The following COPB1 variants were observed in gnomAD, a reference collection of about 807,000 sequenced individuals.
COPB1 encodes coat protein complex I subunit beta 1, also known as coatomer subunit beta.
In COPB1, 21 loss-of-function variants were observed where a neutral mutation model predicts 108.7. The ratio of observed to expected loss-of-function variants is 0.19; its 90% CI spans 0.14 to 0.28. COPB1 has a LOEUF of 0.28. COPB1 is among the 10% of genes least tolerant of loss of function. The probability of loss-of-function intolerance (pLI) is 1.00; values close to 1 mark genes in which losing one functional copy is unlikely to be tolerated. For synonymous variants in COPB1, 378 were observed against 386.8 expected, an observed-to-expected ratio of 0.98 and a Z score of 0.27; for missense variants, 919 against 1,141.3, an observed-to-expected ratio of 0.81 and a Z score of 2.81.
At chr11:14,461,432 A>T in intron 18 of COPB1, 101 bp from the exon 19 acceptor site, 1 of 1,204,688 alleles carries the variant, frequency 8.3e-7, no homozygotes, top group Non-Finnish European at 1.2e-6. Flanking sequence ...ATTAACAATA[A>T]GATTGTTTAT....
At chr11:14,487,624 G>A (rs191781932) in intron 6 of COPB1, among the ~76,000 whole-genome samples, 146 of 151,844 alleles carry the variant, frequency 9.6e-4, no homozygotes, top group Middle Eastern at 3.4e-3. Flanking sequence ...GCAGTGAGCC[G>A]CGATCGCACC....
intron 4 of COPB1, among the ~76,000 whole-genome samples, chr11:14,492,412 C>T (rs1265748940): frequency 3.9e-5 from 6 of 152,020 alleles, no homozygotes; most frequent in Non-Finnish European, 7.4e-5. Context: ...AGCGCGATCT[C>T]GGTTCATCGC....
Position 14,458,595 on chromosome 11 carries a change from C to A in COPB1, c.2739G>T (p.Lys913Asn). The change falls in exon 21 of 22, where the codon AAG becomes AAT. Residue 913 changes from lysine (K) to asparagine (N), a missense_variant. Lys to Asn is a moderately conservative substitution (Grantham distance 94, BLOSUM62 0). This residue lies in a region of COPB1 where 705 missense variants were observed against 817.8 expected (regional missense o/e 0.86). Coordinates refer to ENST00000439561, the MANE Select transcript of COPB1 (RefSeq NM_001144061.2). ...EDALANVSIE[K>N]PIHQGPDAAV... is the part of the protein sequence containing the mutation. ...CAGCATCTGGTCCCTGGTGAATTGG[C>A]TTCTCAATGCTGACATTTGCAAGTG... is the stretch of plus-strand genomic sequence containing the variant. The A allele has an allele frequency of 6.2e-7, 1 of 1,613,814 alleles. No individual in the cohort carries two copies. Among genetic ancestry groups the A allele is most frequent in the South Asian group, 1.1e-5 (1 of 91,048 alleles).
At chr11:14,469,209 C>G in intron 15 of COPB1, 127 bp downstream of exon 15, 5 of 773,698 alleles carry the variant, frequency 6.5e-6, no homozygotes, top group Admixed American at 2.0e-5. Context: ...GTAGCCCACA[C>G]TGGTCTCAAA....
intron 6 of COPB1, among the ~76,000 whole-genome samples, chr11:14,487,465 A>G (rs1850799500): frequency 6.6e-6 from 1 of 152,150 alleles, no homozygotes; most frequent in African/African-American, 2.4e-5. Flanking sequence ...TCACGAGGTC[A>G]GGAGTTTGGG....
In COPB1 at chr11:14,458,709, T is replaced by C. The variant is rs764787050; in HGVS notation, c.2647-22A>G. ...GGGCCTGGAAAAAATTTGTGATAAA[T>C]TCATTACTTTACCAGATACCTACAT... On this transcript the variant is annotated intron_variant, in intron 20 of 21. Coordinates refer to ENST00000439561, the MANE Select transcript of COPB1 (RefSeq NM_001144061.2). The C allele has an allele frequency of 4.4e-6, 7 of 1,603,834 alleles. 1 individual carries two copies. The South Asian group carries it at 7.8e-5, about 18-fold the overall frequency.
At chr11:14,476,026 T>C in intron 12 of COPB1, 81 bp from the exon 13 acceptor site, 1 of 1,277,216 alleles carries the variant, frequency 7.8e-7, no homozygotes, top group Non-Finnish European at 1.1e-6. Context: ...ATTGTTTCTC[T>C]AAAAAAGGCA....
chr11:14,475,723 C>T (rs2597194), intron 13 of COPB1, 62 bp downstream of exon 13: 935,908 of 1,381,444 alleles, frequency 0.68, 319,032 homozygotes, highest in African/African-American at 0.84. Context: ...ATTTGACTGT[C>T]TTACATACAA....
At chr11:14,458,253 C>T (rs867788373) in intron 21 of COPB1, among the ~76,000 whole-genome samples, 2 of 151,646 alleles carry the variant, frequency 1.3e-5, no homozygotes, top group Admixed American at 1.3e-4. Context: ...GCTAATTAGT[C>T]ACTAGATTTA....
At chr11:14,483,228 CCACACACACACACACA>C (rs3217599) in intron 7 of COPB1, 77 bp from the exon 8 acceptor site, 13 of 503,668 alleles carry the variant, frequency 2.6e-5, no homozygotes, top group African/African-American at 2.1e-4. Flanking sequence ...CGCGCGCACA[CCACACACACACACACA>C]CACACACACA....
At chr11:14,461,742 G>C (rs1002653549) in intron 18 of COPB1, among the ~76,000 whole-genome samples, 9 of 152,304 alleles carry the variant, frequency 5.9e-5, no homozygotes, top group African/African-American at 2.2e-4. Flanking sequence ...GTTCCCATAG[G>C]AGGTACTTAA....
At position 14,476,916 on chromosome 11, in the gene COPB1, T is replaced by C. The variant is rs1163005949; in HGVS notation, c.1455+3A>G. On this transcript the variant is annotated splice_donor_region_variant and intron_variant, in intron 12 of 21. Coordinates refer to ENST00000439561, the MANE Select transcript of COPB1 (RefSeq NM_001144061.2). ...AACTAACATTTACTAAAGTAAAACA[T>C]ACCTCTCCAAGGGACCTGCGGATCT... 6 of 1,582,454 alleles carry C rather than the reference T, an allele frequency of 3.8e-6. No individual in the cohort carries two copies. The highest frequency in any genetic ancestry group is 5.2e-6 in the Non-Finnish European group (6 of 1,151,672).
chr11:14,492,569 C>G (rs1850930102), intron 4 of COPB1, among the ~76,000 whole-genome samples: 1 of 151,838 alleles, frequency 6.6e-6, no homozygotes, highest in Non-Finnish European at 1.5e-5. Context: ...TCTCGAACTC[C>G]CGACCTCAGG....
chr11:14,478,214 C>G (rs1850572000), intron 11 of COPB1, among the ~76,000 whole-genome samples: 1 of 151,820 alleles, frequency 6.6e-6, no homozygotes. Flanking sequence ...AAATGTTTCC[C>G]AGTAAAGTGT....
chr11:14,489,386 A>C (rs1393827610), intron 5 of COPB1, among the ~76,000 whole-genome samples: 4 of 152,252 alleles, frequency 2.6e-5, no homozygotes, highest in Non-Finnish European at 5.9e-5. Context: ...TATACCCAAA[A>C]TAACAGAAAG....
intron 8 of COPB1, among the ~76,000 whole-genome samples, chr11:14,482,026 A>C (rs1850672076): frequency 6.6e-6 from 1 of 152,114 alleles, no homozygotes; most frequent in Admixed American, 6.5e-5. Context: ...TCCTGACCTC[A>C]GGTGATCCAC....
At chr11:14,470,840 T>G (rs1241916585) in intron 14 of COPB1, among the ~76,000 whole-genome samples, 1 of 151,216 alleles carries the variant, frequency 6.6e-6, no homozygotes, top group African/African-American at 2.4e-5. Flanking sequence ...CTAAGGCATA[T>G]CCTAATCAAA....
At chr11:14,491,339 C>T (rs34980103) in intron 4 of COPB1, among the ~76,000 whole-genome samples, 48,640 of 152,030 alleles carry the variant, frequency 0.32, 9,011 homozygotes, top group South Asian at 0.44. Flanking sequence ...TGAACCACCA[C>T]GCCCGGCCTG....
chr11:14,471,909 T>A (rs565501752), intron 14 of COPB1, among the ~76,000 whole-genome samples: 125 of 152,096 alleles, frequency 8.2e-4, no homozygotes, highest in Non-Finnish European at 1.4e-3. Flanking sequence ...GCAAGAAGAG[T>A]GAGACTCCGT....
Sources: allele counts gnomAD v4.1 joint callset (sites outside exome capture counted in the v4.1 genomes callset), GRCh38; gene constraint gnomAD v4.1.1; regional missense constraint gnomAD v4.1.1; transcripts MANE v1.5; gene names NCBI Gene and HGNC (gene_info 2026-07-23, HGNC 2026-07-21).